Variants in GUCA1A observed in about 807,000 individuals in gnomAD.
GUCA1A encodes the protein guanylate cyclase activator 1A, also known as guanylyl cyclase-activating protein 1.
GUCA1A carries 14 observed loss-of-function variants against 18.5 expected under a neutral mutation model. The ratio of observed to expected loss-of-function variants is 0.76; its 90% CI spans 0.50 to 1.18. GUCA1A has a LOEUF of 1.18. GUCA1A is among the 50% of genes most tolerant of loss of function. The pLI is 0.00. For missense variants in GUCA1A, 264 were observed against 262.4 expected (o/e 1.01, Z -0.04); for synonymous variants, 97 against 100.2 (o/e 0.97, Z 0.19).
chr6:42,178,648 C>T (rs1182009864), intron 2 of GUCA1A, 154 bp from the exon 3 acceptor site: 2 of 819,142 alleles, frequency 2.4e-6, no homozygotes, highest in African/African-American at 1.7e-5. Context: ...AGAAGTTTGA[C>T]TCTTGAGTCC....
At position 42,173,673 on chromosome 6, in the gene GUCA1A, G is replaced by A. The variant is rs989219511; in HGVS notation, c.60G>A (p.Gln20=). ...AGCTGAGCAGCACCGAGTGCCACCA[G>A]TGGTACAAGAAGTTCATGACTGAGT... ...VEELSSTECH[Q]WYKKFMTECP... is the part of the protein sequence containing the mutation. The change falls in exon 1 of 4, where the codon CAG becomes CAA. Residue 20 remains glutamine (Q), a synonymous_variant. Coordinates refer to ENST00000372958, the MANE Select transcript of GUCA1A (RefSeq NM_001384910.1). 4.8e-5 allele frequency: 77 copies of A among 1,614,056 alleles called. No individual in the cohort carries two copies. Among genetic ancestry groups the A allele is most frequent in the Non-Finnish European group, 6.1e-5 (72 of 1,179,978 alleles).
rs746594379 is a variant in GUCA1A at position 42,178,858 on chromosome 6, C to T, written c.408C>T (p.Thr136=). The T allele has an allele frequency of 1.9e-6, 3 of 1,613,792 alleles. No homozygotes were observed. Among genetic ancestry groups the T allele is most frequent in the Middle Eastern group, 1.6e-4 (1 of 6,062 alleles). The stretch of plus-strand genomic sequence containing the variant: ...CCACCATGACTGCAGAGGAGTTCAC[C>T]GATACAGTGTTCTCCAAGATTGACG... The part of the protein sequence containing the change: ...SDTTMTAEEF[T]DTVFSKIDVN... Residue 136 remains threonine (T), a synonymous_variant, in exon 3 of 4, where the codon ACC becomes ACT. Coordinates refer to ENST00000372958, the MANE Select transcript of GUCA1A (RefSeq NM_001384910.1).
intron 1 of GUCA1A, among the ~76,000 whole-genome samples, chr6:42,174,521 A>G (rs1014433508): frequency 1.3e-5 from 2 of 152,200 alleles, no homozygotes; most frequent in African/African-American, 4.8e-5. Flanking sequence ...AGCCACCTGG[A>G]CGCATTAGGT....
rs114521772 is a variant in GUCA1A, at chr6:42,178,264, C to A, written c.202-16C>A. 6.2e-7 allele frequency: 1 copy of A among 1,612,700 alleles called. No homozygotes were observed. The highest frequency in any genetic ancestry group is 1.3e-5 in the African/African-American group (1 of 74,924). On this transcript the variant is annotated splice_polypyrimidine_tract_variant and intron_variant, in intron 1 of 3. Coordinates refer to ENST00000372958, the MANE Select transcript of GUCA1A (RefSeq NM_001384910.1). ...GGGGCCCGGATGGGCTCACGGCGGCCGCGCCCCTCGCCCAGGACGGCTACA... is the reference window on the plus strand; with the variant it reads ...GGGGCCCGGATGGGCTCACGGCGGCAGCGCCCCTCGCCCAGGACGGCTACA...
Position 42,178,292 on chromosome 6 carries a change from G to T in GUCA1A, c.214G>T (p.Asp72Tyr), listed in dbSNP as rs772622120. The change falls in exon 2 of 4, where the codon GAT becomes TAT. Residue 72 changes from aspartate to tyrosine, a missense_variant. Transcript: ENST00000372958. The part of the protein sequence containing the change: ...TFDFNKDGYI[D>Y]FMEYVAALSL... ...GCCCCTCGCCCAGGACGGCTACATT[G>T]ATTTCATGGAGTACGTGGCAGCGCT... 1.2e-6 allele frequency: 2 copies of T among 1,614,026 alleles called. No homozygotes were observed. Among genetic ancestry groups the T allele is most frequent in the Admixed American group, 1.7e-5 (1 of 60,032 alleles).
chr6:42,176,211 C>A (rs1767956763), intron 1 of GUCA1A, among the ~76,000 whole-genome samples: 2 of 152,152 alleles, frequency 1.3e-5, no homozygotes, highest in South Asian at 4.1e-4. Context: ...AATTTAATGG[C>A]TAGTTATTTT....
intron 2 of GUCA1A, 84 bp downstream of exon 2, chr6:42,178,513 A>C: frequency 4.3e-4 from 540 of 1,268,272 alleles, no homozygotes; most frequent in Non-Finnish European, 5.5e-4. Flanking sequence ...CAACAATCTC[A>C]GGATTGAGAC....
At chr6:42,176,772 C>A (rs1441913681) in intron 1 of GUCA1A, among the ~76,000 whole-genome samples, 1 of 152,166 alleles carries the variant, frequency 6.6e-6, no homozygotes, top group Non-Finnish European at 1.5e-5. Context: ...CAGGGACAGG[C>A]AAATGACAGC....
chr6:42,179,410 C>G lies in GUCA1A; in HGVS notation c.*7C>G. ...CGCTGAGGCAGCCGGCTGAGTGCACCGCCCGGCTGCTTCTGCACTAGCGGG... is the reference window on the plus strand; with the variant it reads ...CGCTGAGGCAGCCGGCTGAGTGCACGGCCCGGCTGCTTCTGCACTAGCGGG... On this transcript the variant is annotated 3_prime_UTR_variant, in exon 4 of 4. Coordinates refer to ENST00000372958, the MANE Select transcript of GUCA1A (RefSeq NM_001384910.1). The G allele has an allele frequency of 6.3e-7, 1 of 1,575,564 alleles. No individual in the cohort carries two copies. Among genetic ancestry groups the G allele is most frequent in the South Asian group, 1.2e-5 (1 of 86,848 alleles).
rs1196598995 is a variant in GUCA1A, at chr6:42,173,376, T to C, written c.-238T>C. The C allele has an allele frequency of 3.4e-6, 2 of 593,248 alleles. No homozygotes were observed. Among genetic ancestry groups the C allele is most frequent in the Admixed American group, 2.8e-5 (1 of 36,024 alleles). 36.7% of individuals were successfully genotyped at this position (593,248 alleles called of 1,614,324 possible). A position where few individuals can be genotyped will look rare whatever the true frequency, so the allele number is the denominator to read the frequency against. On this transcript the variant is annotated 5_prime_UTR_variant, in exon 1 of 4. Transcript: ENST00000372958. The stretch of plus-strand genomic sequence containing the variant: ...GCTGCAAGGATTTAGTGGAGACTCT[T>C]AACACCAGTTCTCTGGCATCTGTGA...
intron 1 of GUCA1A, 98 bp from the exon 2 acceptor site, chr6:42,178,182 T>C (rs955711291): frequency 2.8e-6 from 4 of 1,431,876 alleles, no homozygotes; most frequent in African/African-American, 1.4e-5. Flanking sequence ...TCTTGGGGCT[T>C]GCCGAGATGG....
At chr6:42,177,139 C>T (rs1281121091) in intron 1 of GUCA1A, among the ~76,000 whole-genome samples, 2 of 152,132 alleles carry the variant, frequency 1.3e-5, no homozygotes, top group East Asian at 3.9e-4. Context: ...CTGACAATCA[C>T]ACAGGTGCAC....
chr6:42,178,355 C>CG lies in GUCA1A; in HGVS notation c.278dup (p.Trp94LeufsTer7), dbSNP rs1232316975. 1.2e-5 allele frequency: 20 copies of CG among 1,613,754 alleles called. No homozygotes were observed. Among genetic ancestry groups the CG allele is most frequent in the Non-Finnish European group, 1.7e-5 (20 of 1,179,780 alleles). On this transcript the variant is annotated frameshift_variant, in exon 2 of 4. Transcript: ENST00000372958. LOFTEE classifies it high-confidence loss of function. Reference sequence around the variant, plus strand: ...CAAGGGGAAGGTGGAACAGAAGCTCCGCTGGTACTTCAAGCTCTATGATGT... The same window carrying CG: ...CAAGGGGAAGGTGGAACAGAAGCTCCGGCTGGTACTTCAAGCTCTATGATGT...
In GUCA1A at chr6:42,173,605, G is replaced by C. The variant is rs1582318179; in HGVS notation, c.-9G>C. The C allele has an allele frequency of 1.9e-6, 3 of 1,611,634 alleles. No individual in the cohort carries two copies. The East Asian group carries it at 6.7e-5, about 36-fold the overall frequency. On this transcript the variant is annotated 5_prime_UTR_variant, in exon 1 of 4. Coordinates refer to ENST00000372958, the MANE Select transcript of GUCA1A (RefSeq NM_001384910.1). ...CATCTCAGACGTCAGCCCCCTGAAG[G>C]CCTGAGCAATGGGCAACGTGATGGA...
At chr6:42,174,593 T>A (rs1767900342) in intron 1 of GUCA1A, among the ~76,000 whole-genome samples, 1 of 152,216 alleles carries the variant, frequency 6.6e-6, no homozygotes, top group African/African-American at 2.4e-5. Flanking sequence ...ACTGTGGGTT[T>A]GGGTCCCTAG....
chr6:42,175,797 C>A (rs1355582263), intron 1 of GUCA1A, among the ~76,000 whole-genome samples: 1 of 152,176 alleles, frequency 6.6e-6, no homozygotes, highest in Non-Finnish European at 1.5e-5. Flanking sequence ...CCACACACAC[C>A]CCCGCCTTAG....
intron 1 of GUCA1A, 88 bp from the exon 2 acceptor site, chr6:42,178,192 G>T (rs1768007158): frequency 5.3e-6 from 8 of 1,500,924 alleles, no homozygotes; most frequent in Non-Finnish European, 7.4e-6. Context: ...TGCCGAGATG[G>T]GCGGAGCCTT....
chr6:42,175,035 G>C (rs762021207), intron 1 of GUCA1A, among the ~76,000 whole-genome samples: 7 of 152,204 alleles, frequency 4.6e-5, no homozygotes, highest in Non-Finnish European at 8.8e-5. Flanking sequence ...GAGCCCAAGG[G>C]CTTTCCCGAA....
chr6:42,179,046 A>C (rs1768041084), intron 3 of GUCA1A, 151 bp downstream of exon 3: 1 of 876,642 alleles, frequency 1.1e-6, no homozygotes. Flanking sequence ...CCTCTGCCCC[A>C]GCCACAAAGT....
Sources: gnomAD v4.1 joint callset for allele counts (sites outside exome capture counted in the v4.1 genomes callset) on GRCh38, gnomAD v4.1.1 for gene constraint, MANE v1.5 for transcripts, NCBI Gene and HGNC (gene_info 2026-07-23, HGNC 2026-07-21) for gene names.